Variants in STIM1 observed in about 807,000 individuals in gnomAD.
STIM1 encodes the protein stromal interaction molecule 1.
In STIM1, 25 loss-of-function variants were observed where a neutral mutation model predicts 74.7. The ratio of observed to expected loss-of-function variants is 0.33; its 90% CI spans 0.24 to 0.47. The LOEUF is 0.47. Among genes scored for constraint, STIM1 ranks in the 20% least tolerant of loss-of-function variants. The pLI is 1.00. For missense variants in STIM1, 728 were observed against 920.8 expected (o/e 0.79, Z 2.71); for synonymous variants, 328 against 348.8 (o/e 0.94, Z 0.66).
intron 2 of STIM1, among the ~76,000 whole-genome samples, chr11:4,004,571 A>T (rs867502224): frequency 6.6e-6 from 1 of 151,384 alleles, no homozygotes; most frequent in Non-Finnish European, 1.5e-5. Flanking sequence ...CTTATACCTT[A>T]TACAAAAATT....
At chr11:4,027,916 T>A (rs1295029287) in intron 3 of STIM1, among the ~76,000 whole-genome samples, 2 of 152,178 alleles carry the variant, frequency 1.3e-5, no homozygotes. Context: ...ATTTGAGCCA[T>A]TGGAAACAAT....
At position 4,091,906 on chromosome 11, in the gene STIM1, G is replaced by C; in HGVS notation, c.*108G>C. ...TGGCCCCAAGAGTGGGGCATGGGAA[G>C]GGCTGGTCCAGGGGTCTGGGCACTG... On this transcript the variant is annotated 3_prime_UTR_variant, in exon 13 of 13. Transcript: ENST00000526596. 6.7e-7 allele frequency: 1 copy of C among 1,489,232 alleles called. No individual in the cohort carries two copies. The allele number at this position is 1,489,232 out of a possible 1,614,324, so 92.3% of individuals were successfully genotyped here. A position where few individuals can be genotyped will look rare whatever the true frequency, so the allele number is the denominator to read the frequency against.
At chr11:3,937,080 C>T (rs1294069796) in intron 1 of STIM1, among the ~76,000 whole-genome samples, 2 of 151,852 alleles carry the variant, frequency 1.3e-5, no homozygotes, top group Admixed American at 1.3e-4. Context: ...CCGAGGAGTC[C>T]AGGAGTTGAA....
intron 1 of STIM1, among the ~76,000 whole-genome samples, chr11:3,858,252 T>TG (rs1265926133): frequency 3.6e-5 from 5 of 139,076 alleles, no homozygotes; most frequent in Non-Finnish European, 6.6e-5. Context: ...TTTTTGTTTT[T>TG]TGTTTTTCGC....
At chr11:4,012,650 T>A (rs2093849702) in intron 2 of STIM1, among the ~76,000 whole-genome samples, 1 of 152,240 alleles carries the variant, frequency 6.6e-6, no homozygotes, top group Non-Finnish European at 1.5e-5. Flanking sequence ...TTTCTAAATA[T>A]ACAATCATGT....
intron 7 of STIM1, among the ~76,000 whole-genome samples, chr11:4,076,485 C>CAAAAAAA (rs58804386): frequency 9.8e-5 from 4 of 40,766 alleles, no homozygotes; most frequent in Non-Finnish European, 1.6e-4. Context: ...GACTCCATCT[C>CAAAAAAA]AAAAAAAAAA....
At chr11:4,037,350 C>CTGCA (rs1256048803) in intron 3 of STIM1, among the ~76,000 whole-genome samples, 1 of 152,230 alleles carries the variant, frequency 6.6e-6, no homozygotes, top group Non-Finnish European at 1.5e-5. Flanking sequence ...TGCATCCAGC[C>CTGCA]TGCATACTTG....
At chr11:4,047,216 A>G (rs184347321) in intron 3 of STIM1, among the ~76,000 whole-genome samples, 515 of 152,324 alleles carry the variant, frequency 3.4e-3, no homozygotes, top group African/African-American at 0.012. Flanking sequence ...CTGATGGCTC[A>G]TGCCTATAAT....
At chr11:3,957,516 C>T (rs2093230631) in intron 1 of STIM1, among the ~76,000 whole-genome samples, 1 of 151,998 alleles carries the variant, frequency 6.6e-6, no homozygotes, top group Non-Finnish European at 1.5e-5. Flanking sequence ...CTCAGCCTCC[C>T]AAAGTGCTGA....
chr11:4,061,357 T>C (rs1311628023), intron 5 of STIM1, among the ~76,000 whole-genome samples: 1 of 152,172 alleles, frequency 6.6e-6, no homozygotes, highest in African/African-American at 2.4e-5. Flanking sequence ...GTGCTGCATG[T>C]GATCTAACTT....
Position 3,864,593 on chromosome 11 carries a change from A to G in STIM1, c.139+8184A>G, listed in dbSNP as rs542767591. On this transcript the variant is annotated intron_variant, in intron 1 of 12. Coordinates refer to ENST00000526596, the MANE Select transcript of STIM1 (RefSeq NM_001382567.1). The stretch of plus-strand genomic sequence containing the variant: ...GCAAGAGAGAGTGCCTAAGATAGAT[A>G]CCTCCATCTTTTTATCATCTAATCT... Among the ~76,000 whole-genome samples, 15 of 152,120 alleles carry G rather than the reference A, an allele frequency of 9.9e-5. No homozygotes were observed. In the South Asian group the frequency reaches 1.9e-3, roughly 19 times the overall value.
rs921315641 is a variant in STIM1, at chr11:4,020,801, C to G, written c.271-3072C>G. The stretch of plus-strand genomic sequence containing the variant: ...AATTTTTTGCACAGGCGGAGTCTCC[C>G]TATGCTGCCCAGGCTGGTCTCAAAA... On this transcript the variant is annotated intron_variant, in intron 2 of 12. Coordinates refer to ENST00000526596, the MANE Select transcript of STIM1 (RefSeq NM_001382567.1). Among the ~76,000 whole-genome samples the G allele has an allele frequency of 3.3e-5, 5 of 151,952 alleles. No individual in the cohort carries two copies. The South Asian group carries it at 1.0e-3, about 32-fold the overall frequency.
At chr11:4,073,069 T>TTTA (rs1450154149) in intron 6 of STIM1, among the ~76,000 whole-genome samples, 1 of 150,578 alleles carries the variant, frequency 6.6e-6, no homozygotes, top group African/African-American at 2.4e-5. Flanking sequence ...TTTTTTTTTT[T>TTTA]TACAGATTGA....
At chr11:4,065,121 G>T (rs749562506) in intron 5 of STIM1, among the ~76,000 whole-genome samples, 10 of 152,122 alleles carry the variant, frequency 6.6e-5, no homozygotes, top group Admixed American at 1.3e-4. Context: ...CTGGGCTAGG[G>T]GCTAGCATGC....
intron 5 of STIM1, among the ~76,000 whole-genome samples, chr11:4,060,625 T>C (rs181350908): frequency 2.6e-4 from 40 of 152,332 alleles, no homozygotes; most frequent in African/African-American, 9.1e-4. Context: ...TTCTACTCTT[T>C]ATGTAAGGCG....
chr11:3,889,076 G>A (rs10835247), intron 1 of STIM1, among the ~76,000 whole-genome samples: 55,141 of 149,348 alleles, frequency 0.37, 10,734 homozygotes, highest in South Asian at 0.48. Flanking sequence ...TCTGTATCCA[G>A]GAGTGTTCTT....
chr11:3,920,790 T>C lies in STIM1; in HGVS notation c.140-46762T>C, dbSNP rs550887220. 2.6e-5 allele frequency among the ~76,000 whole-genome samples: 4 copies of C among 151,970 alleles called. No individual in the cohort carries two copies. In the East Asian group the frequency reaches 7.7e-4, roughly 29 times the overall value. Reference sequence around the variant, plus strand: ...TGCTACCCTGAAGTATCTTTTTTTTTTTATTTTTTTTAATTTTTTTTTTGA... The same window carrying C: ...TGCTACCCTGAAGTATCTTTTTTTTCTTATTTTTTTTAATTTTTTTTTTGA... On this transcript the variant is annotated intron_variant, in intron 1 of 12. Coordinates refer to ENST00000526596, the MANE Select transcript of STIM1 (RefSeq NM_001382567.1).
intron 1 of STIM1, among the ~76,000 whole-genome samples, chr11:3,946,791 A>G (rs1315152060): frequency 6.6e-6 from 1 of 152,098 alleles, no homozygotes; most frequent in Non-Finnish European, 1.5e-5. Flanking sequence ...GCTCACTCTA[A>G]CCAGTTGGGA....
chr11:3,936,597 T>C lies in STIM1; in HGVS notation c.140-30955T>C, dbSNP rs2092934350. Among the ~76,000 whole-genome samples the C allele has an allele frequency of 2.0e-5, 3 of 152,152 alleles. No individual in the cohort carries two copies. The South Asian group carries it at 6.2e-4, about 32-fold the overall frequency. On this transcript the variant is annotated intron_variant, in intron 1 of 12. Coordinates refer to ENST00000526596, the MANE Select transcript of STIM1 (RefSeq NM_001382567.1). Reference sequence around the variant, plus strand: ...TCTGAAAAAAGGACGGCTCCTAGGCTCACATAACTGGAATAGAAACATAGA... The same window carrying C: ...TCTGAAAAAAGGACGGCTCCTAGGCCCACATAACTGGAATAGAAACATAGA...
Sources: gnomAD v4.1 joint callset for allele counts (sites outside exome capture counted in the v4.1 genomes callset) on GRCh38, gnomAD v4.1.1 for gene constraint, MANE v1.5 for transcripts, NCBI Gene and HGNC (gene_info 2026-07-23, HGNC 2026-07-21) for gene names.